TMEM45A: variants seen among roughly 807,000 people sequenced by gnomAD.
TMEM45A encodes transmembrane protein 45A.
TMEM45A carries 25 observed loss-of-function variants against 32.0 expected under a neutral mutation model. The observed-to-expected ratio is 0.78, with a 90% CI of 0.57 to 1.09. The LOEUF is 1.09. Among genes scored for constraint, TMEM45A ranks in the 50% least tolerant of loss-of-function variants. TMEM45A has a pLI of 0.00. For synonymous variants in TMEM45A, 122 were observed against 114.8 expected, an observed-to-expected ratio of 1.06 and a Z score of -0.40; for missense variants, 302 against 325.0, an observed-to-expected ratio of 0.93 and a Z score of 0.54.
intron 4 of TMEM45A, among the ~76,000 whole-genome samples, chr3:100,559,356 T>C (rs1271959683): frequency 6.6e-6 from 1 of 152,174 alleles, no homozygotes; most frequent in African/African-American, 2.4e-5. Context: ...GATAATGAGG[T>C]TATTTTAGAG....
chr3:100,504,798 C>T (rs887031414), intron 1 of TMEM45A, among the ~76,000 whole-genome samples: 1 of 152,158 alleles, frequency 6.6e-6, no homozygotes, highest in Admixed American at 6.5e-5. Flanking sequence ...TTTCCAGCAG[C>T]GAGAGCCATG....
At chr3:100,555,492 C>A (rs947880127) in intron 2 of TMEM45A, 91 bp downstream of exon 2, 1 of 1,310,404 alleles carries the variant, frequency 7.6e-7, no homozygotes, top group African/African-American at 1.5e-5. Flanking sequence ...AATTTTATAT[C>A]AATTGTTCTG....
At chr3:100,560,261 C>CT (rs57831681) in intron 4 of TMEM45A, among the ~76,000 whole-genome samples, 3,969 of 143,630 alleles carry the variant, frequency 0.028, 53 homozygotes, top group Middle Eastern at 0.032. Context: ...CTCTCTCTCT[C>CT]TTTTTTTTTT....
At chr3:100,500,611 C>A (rs964767964) in intron 1 of TMEM45A, among the ~76,000 whole-genome samples, 2 of 152,152 alleles carry the variant, frequency 1.3e-5, no homozygotes, top group African/African-American at 4.8e-5. Flanking sequence ...AGAGAAAGCT[C>A]GGAAGACAAC....
chr3:100,572,447 G>T (rs932668602), intron 5 of TMEM45A: 38 of 152,034 alleles, frequency 2.5e-4, no homozygotes, highest in African/African-American at 8.7e-4. Flanking sequence ...TGATGGGGTT[G>T]TTTGTTTTTT....
At chr3:100,575,887 A>C (rs962155418) in intron 5 of TMEM45A, among the ~76,000 whole-genome samples, 8 of 152,344 alleles carry the variant, frequency 5.3e-5, no homozygotes, top group Middle Eastern at 6.8e-3. Flanking sequence ...GGCGGGCTTC[A>C]TGCACTTCCT....
chr3:100,555,353 C>T lies in TMEM45A; in HGVS notation c.142C>T (p.Arg48Ter), dbSNP rs1021817771. 5.6e-6 allele frequency: 9 copies of T among 1,613,730 alleles called. No individual in the cohort carries two copies. The highest frequency in any genetic ancestry group is 4.4e-5 in the South Asian group (4 of 91,042). Reference sequence around the variant, plus strand: ...TCTTGGTTCCAAAACATTATTCTATCGATTGGAAATTTTGGAGGGAATTAC... The same window carrying T: ...TCTTGGTTCCAAAACATTATTCTATTGATTGGAAATTTTGGAGGGAATTAC... ...CYLGSKTLFY[R>*]LEILEGITIV... Residue 48 changes from arginine (R) to a stop codon, truncating the protein, a stop_gained, in exon 2 of 6, where the codon CGA (arginine) becomes TGA (stop). Transcript: ENST00000323523. LOFTEE classifies it high-confidence loss of function.
At chr3:100,523,564 T>C (rs1206345212) in intron 1 of TMEM45A, among the ~76,000 whole-genome samples, 2 of 152,164 alleles carry the variant, frequency 1.3e-5, no homozygotes, top group East Asian at 3.9e-4. Flanking sequence ...AAGGGGAAGA[T>C]TCTTGCACTT....
intron 1 of TMEM45A, among the ~76,000 whole-genome samples, chr3:100,548,833 C>T (rs532789446): frequency 5.3e-5 from 8 of 152,322 alleles, no homozygotes; most frequent in South Asian, 2.1e-4. Flanking sequence ...AAATGCTTTG[C>T]GCTGCACTGT....
chr3:100,549,918 A>G (rs1706057844), intron 1 of TMEM45A, among the ~76,000 whole-genome samples: 1 of 151,342 alleles, frequency 6.6e-6, no homozygotes, highest in African/African-American at 2.4e-5. Flanking sequence ...TTATGGCTGC[A>G]TAGTATTCCA....
chr3:100,521,212 TGCACCTCCA>T (rs1264828840), intron 1 of TMEM45A, among the ~76,000 whole-genome samples: 1 of 151,992 alleles, frequency 6.6e-6, no homozygotes, highest in African/African-American at 2.4e-5. Context: ...GGGCAATGTC[TGCACCTCCA>T]GCTGAGATGG....
At chr3:100,502,210 T>A (rs1447736888) in intron 1 of TMEM45A, among the ~76,000 whole-genome samples, 2 of 139,214 alleles carry the variant, frequency 1.4e-5, no homozygotes, top group African/African-American at 5.2e-5. Context: ...TAGGTATGGA[T>A]CTTTTTTTTT....
chr3:100,518,611 G>T (rs534259577), intron 1 of TMEM45A, among the ~76,000 whole-genome samples: 3 of 152,306 alleles, frequency 2.0e-5, no homozygotes, highest in African/African-American at 7.2e-5. Flanking sequence ...TTAAGCAAGA[G>T]ACAAGAAATG....
intron 1 of TMEM45A, among the ~76,000 whole-genome samples, chr3:100,545,454 T>G (rs1478011250): frequency 6.6e-6 from 1 of 152,218 alleles, no homozygotes; most frequent in Non-Finnish European, 1.5e-5. Context: ...AGTTTCTAGC[T>G]GTATTTTTCA....
chr3:100,514,176 T>C (rs1426408981), intron 1 of TMEM45A, among the ~76,000 whole-genome samples: 1 of 152,208 alleles, frequency 6.6e-6, no homozygotes, highest in African/African-American at 2.4e-5. Flanking sequence ...AAGTCAATCC[T>C]AAGCCAAAAG....
At chr3:100,515,631 TAA>T (rs78493832) in intron 1 of TMEM45A, among the ~76,000 whole-genome samples, 11,959 of 134,872 alleles carry the variant, frequency 0.089, 1,581 homozygotes, top group African/African-American at 0.29. Context: ...AGTATAATAA[TAA>T]AAAAAAAAAA....
At chr3:100,511,937 A>G (rs1559635983) in intron 1 of TMEM45A, among the ~76,000 whole-genome samples, 1 of 152,118 alleles carries the variant, frequency 6.6e-6, no homozygotes, top group Admixed American at 6.5e-5. Flanking sequence ...TCCTAAATAT[A>G]TATGCACCCA....
chr3:100,554,059 C>T (rs1220494313), intron 1 of TMEM45A, among the ~76,000 whole-genome samples: 1 of 152,106 alleles, frequency 6.6e-6, no homozygotes, highest in East Asian at 1.9e-4. Context: ...TTTCCTTGGA[C>T]CTGGCCTAGT....
chr3:100,555,440 G>T lies in TMEM45A; in HGVS notation c.190+39G>T. 3 of 1,537,372 alleles carry T rather than the reference G, an allele frequency of 2.0e-6. 1 individual carries two copies. The highest frequency in any genetic ancestry group is 2.6e-5 in the South Asian group (2 of 78,128). ...TCTGTGTTCTATTTTTACCTTTTAG[G>T]TGTTTTCATTCTTTTAAAGAATTGG... On this transcript the variant is annotated intron_variant, in intron 2 of 5. Coordinates refer to ENST00000323523, the MANE Select transcript of TMEM45A (RefSeq NM_018004.3).
Sources: allele counts gnomAD v4.1 joint callset (sites outside exome capture counted in the v4.1 genomes callset), GRCh38; gene constraint gnomAD v4.1.1; transcripts MANE v1.5; gene names NCBI Gene and HGNC (gene_info 2026-07-23, HGNC 2026-07-21).